Variants in NFATC4 observed in about 807,000 individuals in gnomAD.
The protein encoded by NFATC4 is nuclear factor of activated T-cells, cytoplasmic 4.
Under a neutral mutation model 73.4 loss-of-function variants are expected in NFATC4, and 25 were observed. The observed-to-expected ratio is 0.34, with a 90% CI of 0.25 to 0.48. The LOEUF (loss-of-function observed/expected upper bound fraction) is 0.48, where lower values mean the gene tolerates loss of function less well. Among genes scored for constraint, NFATC4 ranks in the 20% least tolerant of loss-of-function variants. The pLI, the probability that NFATC4 is intolerant of heterozygous loss-of-function variation, is 0.99. For missense variants in NFATC4, 1,130 were observed against 1,203.7 expected (o/e 0.94, Z 0.91); for synonymous variants, 523 against 510.3 (o/e 1.02, Z -0.34).
chr14:24,367,089 G>T (rs771794469), upstream of NFATC4: 8 of 1,613,748 alleles, frequency 5.0e-6, no homozygotes, highest in East Asian at 1.6e-4. Context: ...CTACCCGCCA[G>T]CCTCGCCAGT....
chr14:24,372,526 C>T lies in NFATC4; in HGVS notation c.1282C>T (p.His428Tyr). ...ELRIEVQPRA[H>Y]HRAHYETEGS... Reference sequence around the variant, plus strand: ...GAGGATCGAGGTACAGCCTAGAGCCCACCACCGGGCCCACTATGAGACAGA... The same window carrying T: ...GAGGATCGAGGTACAGCCTAGAGCCTACCACCGGGCCCACTATGAGACAGA... The change falls in exon 3 of 10, where the codon CAC becomes TAC. Residue 428 changes from histidine (H) to tyrosine (Y), a missense_variant. His to Tyr is a moderately conservative substitution (Grantham distance 83). Around this residue, in one of 3 missense-constraint regions of NFATC4, gnomAD observed 585 missense variants for 574.3 expected, o/e 1.02. Transcript: ENST00000250373. 4 of 1,614,084 alleles carry T rather than the reference C, an allele frequency of 2.5e-6. No individual in the cohort carries two copies. The highest frequency in any genetic ancestry group is 2.2e-5 in the South Asian group (2 of 91,086).
chr14:24,370,780 A>G (rs1226988928), intron 2 of NFATC4, among the ~76,000 whole-genome samples, 186 bp downstream of exon 2: 1 of 152,232 alleles, frequency 6.6e-6, no homozygotes, highest in Non-Finnish European at 1.5e-5. Context: ...GCACCTCTGG[A>G]TGATTTACAA....
At chr14:24,375,759 G>GGGGGGGCC in intron 7 of NFATC4, 44 bp downstream of exon 7, 1 of 617,016 alleles carries the variant, frequency 1.6e-6, no homozygotes, top group Non-Finnish European at 3.0e-6. Flanking sequence ...GGGGGTGGGA[G>GGGGGGGCC]AAGGCAGGGG....
chr14:24,376,237 A>C lies in NFATC4; in HGVS notation c.2057-57A>C. On this transcript the variant is annotated intron_variant, in intron 8 of 9. Coordinates refer to ENST00000250373, the MANE Select transcript of NFATC4 (RefSeq NM_004554.5). The surrounding 1 kb of genome is among the most constrained non-coding windows in gnomAD (Gnocchi z 5.0). The stretch of plus-strand genomic sequence containing the variant: ...AGGAGCAGGCAGCTGGAAGGTGTGC[A>C]GTGGGGAGACTACCAGACCTCTCAC... The C allele has an allele frequency of 6.4e-7, 1 of 1,562,892 alleles. No individual in the cohort carries two copies. Among genetic ancestry groups the C allele is most frequent in the Non-Finnish European group, 8.7e-7 (1 of 1,152,622 alleles).
In NFATC4 at chr14:24,369,530, C is replaced by T; in HGVS notation, c.132C>T (p.Cys44=). The change falls in exon 2 of 10, where the codon TGC becomes TGT. Residue 44 remains cysteine (C), a synonymous_variant. Coordinates refer to ENST00000250373, the MANE Select transcript of NFATC4 (RefSeq NM_004554.5). ...ACTCAGAGGATGCCCCGCCATGCTGCCGTCTGGCCTTGGGAGAGCCCCCTC... is the reference window on the plus strand; with the variant it reads ...ACTCAGAGGATGCCCCGCCATGCTGTCGTCTGGCCTTGGGAGAGCCCCCTC... ...ELDSEDAPPC[C]RLALGEPPPY... 2 of 1,609,962 alleles carry T rather than the reference C, an allele frequency of 1.2e-6. No homozygotes were observed. Among genetic ancestry groups the T allele is most frequent in the Non-Finnish European group, 1.7e-6 (2 of 1,177,242 alleles).
intron 1 of NFATC4, 87 bp from the exon 2 acceptor site, chr14:24,369,412 T>C: frequency 6.2e-7 from 1 of 1,606,258 alleles, no homozygotes; most frequent in East Asian, 2.2e-5. Context: ...ATAGAAGGAC[T>C]TGCGGCCTGG....
At position 24,370,240 on chromosome 14, in the gene NFATC4, C is replaced by T. The variant is rs759464719; in HGVS notation, c.842C>T (p.Ser281Phe). The T allele has an allele frequency of 6.2e-7, 1 of 1,612,344 alleles. No homozygotes were observed. Among genetic ancestry groups the T allele is most frequent in the Non-Finnish European group, 8.5e-7 (1 of 1,179,950 alleles). ...YSSSGTPSSASPALSRRGSLG... is the reference protein window; with the variant it reads ...YSSSGTPSSAFPALSRRGSLG... ...AGCTCGGGAACCCCATCTTCAGCCT[C>T]CCCAGCTCTGTCCCGCCGTGGCAGC... Residue 281 changes from serine (S) to phenylalanine (F), a missense_variant, in exon 2 of 10, where the codon TCC becomes TTC. Around this residue, in one of 3 missense-constraint regions of NFATC4, gnomAD observed 585 missense variants for 574.3 expected, o/e 1.02. Transcript: ENST00000250373.
At chr14:24,375,628 T>C (rs2042591886) in intron 6 of NFATC4, 32 bp from the exon 7 acceptor site, 2 of 1,549,648 alleles carry the variant, frequency 1.3e-6, no homozygotes, top group East Asian at 4.9e-5. Flanking sequence ...GGCGCTGGAG[T>C]TGGGCTGCAG....
At position 24,376,899 on chromosome 14, in the gene NFATC4, T is replaced by A; in HGVS notation, c.2641+21T>A. ...GGAAGGTGGGTGTGGGACTGGGGGC[T>A]GTGAGTGTGAGTGTGTGCAAGAGAT... On this transcript the variant is annotated intron_variant, in intron 9 of 9. Coordinates refer to ENST00000250373, the MANE Select transcript of NFATC4 (RefSeq NM_004554.5). The surrounding 1 kb of genome is among the most constrained non-coding windows in gnomAD (Gnocchi z 5.0). 6.6e-7 allele frequency: 1 copy of A among 1,518,124 alleles called. No individual in the cohort carries two copies. Among genetic ancestry groups the A allele is most frequent in the Non-Finnish European group, 8.8e-7 (1 of 1,136,024 alleles). The allele number at this position is 1,518,124 out of a possible 1,614,324, so 94.0% of individuals were successfully genotyped here.
chr14:24,369,882 G>A lies in NFATC4; in HGVS notation c.484G>A (p.Gly162Ser), dbSNP rs763340822. ...GGGCTACAGAGAAGCAGGGGGCCAG[G>A]GTGGGGGGGCCTTCTTCAGCCCAAG... ...FGGYREAGGQ[G>S]GGAFFSPSPG... Residue 162 changes from glycine (G) to serine (S), a missense_variant, in exon 2 of 10, where the codon GGT becomes AGT. Gly to Ser is a moderately conservative substitution (Grantham distance 56). Coordinates refer to ENST00000250373, the MANE Select transcript of NFATC4 (RefSeq NM_004554.5). 35 of 1,611,062 alleles carry A rather than the reference G, an allele frequency of 2.2e-5. No homozygotes were observed. Among genetic ancestry groups the A allele is most frequent in the Non-Finnish European group, 2.9e-5 (34 of 1,179,164 alleles).
At chr14:24,368,611 C>A (rs1374725671) in intron 1 of NFATC4, among the ~76,000 whole-genome samples, 171 bp downstream of exon 1, 1 of 136,878 alleles carries the variant, frequency 7.3e-6, no homozygotes, top group Non-Finnish European at 1.5e-5. Flanking sequence ...GCCCGGGCAC[C>A]ACTTTCTCCT....
chr14:24,367,552 G>A (rs2042339103), upstream of NFATC4: 4 of 1,536,164 alleles, frequency 2.6e-6, no homozygotes, highest in East Asian at 4.9e-5. Context: ...ATCCAGGCTG[G>A]CTAAGCGTTC....
chr14:24,367,170 T>C (rs779684917), upstream of NFATC4: 7 of 1,613,530 alleles, frequency 4.3e-6, no homozygotes, highest in Middle Eastern at 1.6e-4. Flanking sequence ...AAGCCTGACT[T>C]TCCCGGAAAC....
chr14:24,374,252 A>G, intron 5 of NFATC4, 74 bp from the exon 6 acceptor site: 1 of 1,532,788 alleles, frequency 6.5e-7, no homozygotes. Context: ...AGTTTTCCCA[A>G]AGAGGGTGGG....
upstream of NFATC4, chr14:24,367,571 TG>T (rs893259444): frequency 2.6e-6 from 4 of 1,536,028 alleles, no homozygotes; most frequent in Admixed American, 3.9e-5. Flanking sequence ...TCTTCATCTT[TG>T]GGGGTCCTGG....
In NFATC4 at chr14:24,374,794, G is replaced by A. The variant is rs2042567700; in HGVS notation, c.1873+328G>A. 3.7e-5 allele frequency: 7 copies of A among 191,216 alleles called. No individual in the cohort carries two copies. The South Asian group carries it at 7.0e-4, about 19-fold the overall frequency. 11.8% of individuals were successfully genotyped at this position (191,216 alleles called of 1,614,324 possible). A position where few individuals can be genotyped will look rare whatever the true frequency, so the allele number is the denominator to read the frequency against. ...GTGATTTACACCCTCACAGCTGCCC[G>A]CTGGGCCCCTCTTGAGTTATGGGCA... On this transcript the variant is annotated intron_variant, in intron 6 of 9. Transcript: ENST00000250373.
At position 24,373,932 on chromosome 14, in the gene NFATC4, C is replaced by G. The variant is rs1202428972; in HGVS notation, c.1732+65C>G. On this transcript the variant is annotated intron_variant, in intron 5 of 9. Transcript: ENST00000250373. The surrounding 1 kb of genome is among the most constrained non-coding windows in gnomAD (Gnocchi z 4.7). ...AACTCTTTTGTCTGTGTGTGTGTGTCTGTCTGCCCATTCCCTCTGCAGCGT... is the reference window on the plus strand; with the variant it reads ...AACTCTTTTGTCTGTGTGTGTGTGTGTGTCTGCCCATTCCCTCTGCAGCGT... 6 of 1,586,188 alleles carry G rather than the reference C, an allele frequency of 3.8e-6. No homozygotes were observed. Among genetic ancestry groups the G allele is most frequent in the South Asian group, 1.1e-5 (1 of 89,048 alleles).
chr14:24,377,285 G>A lies in NFATC4; in HGVS notation c.2642-353G>A. ...CAGCTTTCCCCTAAACACGGTGTCT[G>A]TGGTCAGGGTTGGTGAGGAGGAGCT... On this transcript the variant is annotated intron_variant, in intron 9 of 9. Coordinates refer to ENST00000250373, the MANE Select transcript of NFATC4 (RefSeq NM_004554.5). This position sits in a 1 kb window ranked among gnomAD's most constrained non-coding sequence, Gnocchi z 4.2. 1 of 1,253,202 alleles carries A rather than the reference G, an allele frequency of 8.0e-7. No individual in the cohort carries two copies. Among genetic ancestry groups the A allele is most frequent in the East Asian group, 3.3e-5 (1 of 30,504 alleles). The allele number at this position is 1,253,202 out of a possible 1,614,324, so 77.6% of individuals were successfully genotyped here.
chr14:24,367,884 C>G, upstream of NFATC4: 1 of 1,348,994 alleles, frequency 7.4e-7, no homozygotes, highest in Non-Finnish European at 9.5e-7. Context: ...GAACCTTGAA[C>G]TGAGACTAGG....
Sources: gnomAD v4.1 joint callset for allele counts (sites outside exome capture counted in the v4.1 genomes callset) on GRCh38, gnomAD v4.1.1 for gene constraint, gnomAD v4.1.1 regional missense constraint, Gnocchi (gnomAD v3.1) non-coding constraint, MANE v1.5 for transcripts, NCBI Gene and HGNC (gene_info 2026-07-23, HGNC 2026-07-21) for gene names.